Variants in TIAM2 observed in about 807,000 individuals in gnomAD.
The protein encoded by TIAM2 is TIAM Rac1 associated GEF 2, also known as rho guanine nucleotide exchange factor TIAM2.
TIAM2 carries 80 observed loss-of-function variants against 152.9 expected under a neutral mutation model. That is an observed-to-expected ratio of 0.52 (90% CI 0.44 to 0.63). TIAM2 has a LOEUF of 0.63. Ranked by LOEUF, TIAM2 falls within the 30% of genes least tolerant of loss-of-function variation. The pLI is 0.00. For synonymous variants in TIAM2, 804 were observed against 838.0 expected (o/e 0.96, Z 0.70); for missense variants, 1,965 against 2,120.1 (o/e 0.93, Z 1.44).
At chr6:155,163,897 C>T (rs1485839270) in intron 7 of TIAM2, among the ~76,000 whole-genome samples, 1 of 151,742 alleles carries the variant, frequency 6.6e-6, no homozygotes, top group Non-Finnish European at 1.5e-5. Context: ...TTGGGACCAC[C>T]AGCTTTTTGT....
intron 9 of TIAM2, among the ~76,000 whole-genome samples, chr6:155,175,253 T>C (rs1408374260): frequency 6.6e-6 from 1 of 152,246 alleles, no homozygotes; most frequent in Non-Finnish European, 1.5e-5. Flanking sequence ...TTGAGCACCA[T>C]GTTTTCAAAA....
In TIAM2 at chr6:155,130,339, G is replaced by A; in HGVS notation, c.1116G>A (p.Lys372=). The change falls in exon 4 of 27, where the codon AAG becomes AAA. Residue 372 remains lysine (K), a synonymous_variant. Coordinates refer to ENST00000682666, the MANE Select transcript of TIAM2 (RefSeq NM_012454.4). ...AAGCCTTTGTTGAGGATACTGCGAA[G>A]AAGGACTCCCTCAAAGCCAGGATGC... ...KPKAFVEDTA[K]KDSLKARMRR... is the part of the protein sequence containing the mutation. 1.2e-6 allele frequency: 2 copies of A among 1,614,080 alleles called. No individual in the cohort carries two copies. Among genetic ancestry groups the A allele is most frequent in the Non-Finnish European group, 1.7e-6 (2 of 1,180,038 alleles).
In TIAM2 at chr6:155,256,822, G is replaced by A. The variant is rs755263506; in HGVS notation, c.4807G>A (p.Val1603Ile). 83 of 1,614,044 alleles carry A rather than the reference G, an allele frequency of 5.1e-5. No homozygotes were observed. Among genetic ancestry groups the A allele is most frequent in the Non-Finnish European group, 6.9e-5 (81 of 1,180,050 alleles). Residue 1603 changes from valine (V) to isoleucine (I), a missense_variant, in exon 27 of 27, where the codon GTT becomes ATT. Around this residue, in one of 3 missense-constraint regions of TIAM2, gnomAD observed 935 missense variants for 980.0 expected, o/e 0.95. Coordinates refer to ENST00000682666, the MANE Select transcript of TIAM2 (RefSeq NM_012454.4). ...QRLRISEDPD[V>I]HPEAEQQPGP... ...ACTGAGGATTTCCGAGGACCCAGAC[G>A]TTCACCCCGAGGCTGAGCAGCAGCC...
At chr6:155,164,694 C>G (rs1780373516) in intron 8 of TIAM2, 94 bp downstream of exon 8, 1 of 1,446,462 alleles carries the variant, frequency 6.9e-7, no homozygotes, top group Non-Finnish European at 9.3e-7. Flanking sequence ...ACTTGTGGGG[C>G]TTGACCCAAC....
At chr6:155,166,232 C>A (rs1780431934) in intron 9 of TIAM2, among the ~76,000 whole-genome samples, 1 of 152,124 alleles carries the variant, frequency 6.6e-6, no homozygotes, top group African/African-American at 2.4e-5. Flanking sequence ...CTGCCTAAGT[C>A]CACGGTCTTG....
intron 12 of TIAM2, among the ~76,000 whole-genome samples, chr6:155,181,922 C>T (rs1425329273): frequency 6.6e-6 from 1 of 152,210 alleles, no homozygotes; most frequent in African/African-American, 2.4e-5. Context: ...ATCCATCCGT[C>T]TATTGACAGA....
rs1779370441 is a variant in TIAM2, at chr6:155,129,094, C to A, written c.-6-124C>A. 2.3e-6 allele frequency: 2 copies of A among 856,856 alleles called. No individual in the cohort carries two copies. The highest frequency in any genetic ancestry group is 1.8e-6 in the Non-Finnish European group (1 of 562,456). The allele number at this position is 856,856 out of a possible 1,614,324, so 53.1% of individuals were successfully genotyped here. A position where few individuals can be genotyped will look rare whatever the true frequency, so the allele number is the denominator to read the frequency against. ...CTACTGACTGACTCTTGTCCCTACT[C>A]CTCTGAGTCCTTCCAGGCACTGAAG... On this transcript the variant is annotated intron_variant, in intron 3 of 26. Coordinates refer to ENST00000682666, the MANE Select transcript of TIAM2 (RefSeq NM_012454.4). The surrounding 1 kb of genome is among the most constrained non-coding windows in gnomAD (Gnocchi z 4.8).
rs1472740756 is a variant in TIAM2, at chr6:155,214,046, G to A, written c.3168+2739G>A. On this transcript the variant is annotated intron_variant, in intron 15 of 26. Coordinates refer to ENST00000682666, the MANE Select transcript of TIAM2 (RefSeq NM_012454.4). The surrounding 1 kb of genome is among the most constrained non-coding windows in gnomAD (Gnocchi z 5.4). Reference sequence around the variant, plus strand: ...TGGCTGCAGCAGTACCCGGGAGGGCGGGGCTCCTTCCTGCTCCTGGCCCCC... The same window carrying A: ...TGGCTGCAGCAGTACCCGGGAGGGCAGGGCTCCTTCCTGCTCCTGGCCCCC... Among the ~76,000 whole-genome samples the A allele has an allele frequency of 6.6e-6, 1 of 152,214 alleles. No homozygotes were observed. The highest frequency in any genetic ancestry group is 6.5e-5 in the Admixed American group (1 of 15,288).
intron 1 of TIAM2, among the ~76,000 whole-genome samples, chr6:155,086,279 G>A (rs952049313): frequency 5.3e-5 from 8 of 152,160 alleles, no homozygotes; most frequent in Non-Finnish European, 7.3e-5. Flanking sequence ...GCTCTTTCCC[G>A]CTGTCTACAT....
chr6:155,154,513 T>C (rs1780058827), intron 7 of TIAM2, among the ~76,000 whole-genome samples: 2 of 152,222 alleles, frequency 1.3e-5, no homozygotes, highest in Non-Finnish European at 2.9e-5. Context: ...CACACCGCCA[T>C]CCACACGCCA....
chr6:155,192,282 C>T (rs1337827306), intron 14 of TIAM2, among the ~76,000 whole-genome samples: 2 of 152,028 alleles, frequency 1.3e-5, no homozygotes, highest in Non-Finnish European at 1.5e-5. Flanking sequence ...ACATGTCAAG[C>T]ACCATGTTTG....
At chr6:155,190,840 GAA>G (rs148913194) in intron 14 of TIAM2, among the ~76,000 whole-genome samples, 1 of 146,002 alleles carries the variant, frequency 6.8e-6, no homozygotes, top group African/African-American at 2.5e-5. Context: ...TAAGGAAAAG[GAA>G]AAAAAAAAAG....
intron 14 of TIAM2, among the ~76,000 whole-genome samples, chr6:155,197,686 CAT>C (rs1781377971): frequency 6.6e-6 from 1 of 151,996 alleles, no homozygotes; most frequent in Non-Finnish European, 1.5e-5. Context: ...GGGAAGCAAA[CAT>C]GTCCTTCTTC....
intron 15 of TIAM2, among the ~76,000 whole-genome samples, chr6:155,222,363 G>A (rs951671199): frequency 6.6e-6 from 1 of 151,994 alleles, no homozygotes; most frequent in African/African-American, 2.4e-5. Flanking sequence ...CACTTTGGGA[G>A]GTTGAGGCTG....
chr6:155,017,610 A>G lies in TIAM2; in HGVS notation c.-209+22118A>G, dbSNP rs528539167. 2.0e-5 allele frequency among the ~76,000 whole-genome samples: 3 copies of G among 147,302 alleles called. 1 individual carries two copies. In the South Asian group the frequency reaches 6.5e-4, roughly 32 times the overall value. ...CCTCCGCCTCCTGGGTTCAAGCTAT[A>G]CTCCTGCCTCAGCCTCCCGAGTAGC... On this transcript the variant is annotated intron_variant, in intron 1 of 26. Coordinates refer to ENST00000682666, the MANE Select transcript of TIAM2 (RefSeq NM_012454.4).
chr6:155,071,590 G>A (rs9371856), intron 1 of TIAM2, among the ~76,000 whole-genome samples: 62,575 of 152,098 alleles, frequency 0.41, 13,424 homozygotes, highest in East Asian at 0.55. Context: ...TCTGTGCAAG[G>A]TGCAGTGATA....
chr6:155,158,344 G>A (rs945708081), intron 7 of TIAM2, among the ~76,000 whole-genome samples: 6 of 152,192 alleles, frequency 3.9e-5, no homozygotes, highest in African/African-American at 1.4e-4. Flanking sequence ...GTAAAGCTGT[G>A]TTAGCAATAA....
intron 1 of TIAM2, among the ~76,000 whole-genome samples, chr6:155,048,164 G>T (rs146316597): frequency 6.6e-6 from 1 of 152,274 alleles, no homozygotes. Flanking sequence ...TATTGGCCAG[G>T]CTGGTTTTGA....
chr6:155,187,135 A>C (rs1274518178), intron 14 of TIAM2, among the ~76,000 whole-genome samples: 1 of 152,134 alleles, frequency 6.6e-6, no homozygotes. Context: ...CCCCCTGTCG[A>C]GCACTTAAAA....
Sources: gnomAD v4.1 joint callset for allele counts (sites outside exome capture counted in the v4.1 genomes callset) on GRCh38, gnomAD v4.1.1 for gene constraint, gnomAD v4.1.1 regional missense constraint, Gnocchi (gnomAD v3.1) non-coding constraint, MANE v1.5 for transcripts, NCBI Gene and HGNC (gene_info 2026-07-23, HGNC 2026-07-21) for gene names.